GIT2: variants seen among roughly 807,000 people sequenced by gnomAD.
The protein encoded by GIT2 is ARF GTPase-activating protein GIT2.
Under a neutral mutation model 100.3 loss-of-function variants are expected in GIT2, and 32 were observed. The observed-to-expected ratio is 0.32, with a 90% CI of 0.24 to 0.43. The LOEUF (loss-of-function observed/expected upper bound fraction) is 0.43. Among genes scored for constraint, GIT2 ranks in the 20% least tolerant of loss-of-function variants. GIT2 has a pLI of 1.00. For synonymous variants in GIT2, 353 were observed against 364.1 expected (o/e 0.97, Z 0.35); for missense variants, 737 against 975.1 (o/e 0.76, Z 3.25).
chr12:109,943,723 G>A (rs1020813363), intron 16 of GIT2, among the ~76,000 whole-genome samples: 31 of 139,946 alleles, frequency 2.2e-4, no homozygotes, highest in African/African-American at 8.4e-4. Context: ...GCCTCACTGT[G>A]TTGTCCAGGC....
chr12:109,942,283 A>C (rs1213503638), intron 16 of GIT2, among the ~76,000 whole-genome samples: 2 of 152,214 alleles, frequency 1.3e-5, no homozygotes, highest in South Asian at 2.1e-4. Flanking sequence ...AACAAACTAG[A>C]AACAGAATTA....
chr12:109,953,106 T>C lies in GIT2; in HGVS notation c.1228A>G (p.Thr410Ala). The change falls in exon 13 of 20, where the codon ACA becomes GCA. Residue 410 changes from threonine to alanine, a missense_variant. Transcript: ENST00000355312. ...TGGCCTCTCACCTTCTGCCGGTTTG[T>C]TTTGCTTGCAGTGGTTTCCAAATCT... Reference protein sequence around the residue: ...DTDLETTASKTNRQKSLDSDL... With the variant: ...DTDLETTASKANRQKSLDSDL... 5.0e-6 allele frequency: 8 copies of C among 1,614,172 alleles called. No individual in the cohort carries two copies. Among genetic ancestry groups the C allele is most frequent in the Non-Finnish European group, 6.8e-6 (8 of 1,180,024 alleles).
Position 109,931,025 on chromosome 12 carries a change from A to ACTGTG in GIT2, c.*1952_*1953insCACAG, listed in dbSNP as rs1871550480. 2.0e-5 allele frequency: 3 copies of ACTGTG among 152,232 alleles called. No individual in the cohort carries two copies. Among genetic ancestry groups the ACTGTG allele is most frequent in the Admixed American group, 1.3e-4 (2 of 15,286 alleles). The allele number at this position is 152,232 out of a possible 1,614,324, so 9.4% of individuals were successfully genotyped here. Reference sequence around the variant, plus strand: ...TTTTGGAGACGTGGACCCTTTTCCCATGCTACTCACAGTGAAGCAAAATGC... The same window carrying ACTGTG: ...TTTTGGAGACGTGGACCCTTTTCCCACTGTGTGCTACTCACAGTGAAGCAAAATGC... On this transcript the variant is annotated 3_prime_UTR_variant, in exon 20 of 20. Coordinates refer to ENST00000355312, the MANE Select transcript of GIT2 (RefSeq NM_057169.5).
chr12:109,986,766 AAAACAAACAAAC>A (rs574249052), intron 4 of GIT2, among the ~76,000 whole-genome samples: 7 of 151,322 alleles, frequency 4.6e-5, no homozygotes, highest in East Asian at 1.9e-4. Flanking sequence ...CTCCGTCTCA[AAAACAAACAAAC>A]AAACAAACAA....
At chr12:109,983,226 G>A in intron 6 of GIT2, 147 bp downstream of exon 6, 2 of 711,442 alleles carry the variant, frequency 2.8e-6, no homozygotes, top group Admixed American at 3.0e-5. Flanking sequence ...GAGCTTATAT[G>A]CATTTGAAAT....
intron 4 of GIT2, 72 bp from the exon 5 acceptor site, chr12:109,983,766 G>A: frequency 1.1e-6 from 1 of 912,272 alleles, no homozygotes; most frequent in Admixed American, 2.1e-5. Context: ...GCAGCTGATA[G>A]ACCATTTTAA....
chr12:109,970,917 G>A (rs1883709892), intron 7 of GIT2, among the ~76,000 whole-genome samples: 1 of 152,098 alleles, frequency 6.6e-6, no homozygotes, highest in Admixed American at 6.5e-5. Context: ...AGCCTCCTGA[G>A]TAGGTGAGAC....
Position 109,932,510 on chromosome 12 carries a change from T to TA in GIT2, c.*467dup, listed in dbSNP as rs1259714104. 1.9e-5 allele frequency: 3 copies of TA among 162,104 alleles called. No individual in the cohort carries two copies. Among genetic ancestry groups the TA allele is most frequent in the African/African-American group, 2.4e-5 (1 of 41,478 alleles). 10.0% of individuals were successfully genotyped at this position (162,104 alleles called of 1,614,324 possible). A position where few individuals can be genotyped will look rare whatever the true frequency, so the allele number is the denominator to read the frequency against. ...TACATGCTTGGAGATACCCCAAACTTAGAGATTATGAAGTAGGCCAGGAAA... is the reference window on the plus strand; with the variant it reads ...TACATGCTTGGAGATACCCCAAACTTAAGAGATTATGAAGTAGGCCAGGAAA... On this transcript the variant is annotated 3_prime_UTR_variant, in exon 20 of 20. Transcript: ENST00000355312.
chr12:109,993,344 A>C (rs1888762189), intron 1 of GIT2, among the ~76,000 whole-genome samples: 1 of 152,192 alleles, frequency 6.6e-6, no homozygotes, highest in African/African-American at 2.4e-5. Flanking sequence ...AAATCTCTAA[A>C]ATGCATGTAC....
At chr12:109,952,660 C>T (rs1878225991) in intron 13 of GIT2, 1 of 517,346 alleles carries the variant, frequency 1.9e-6, no homozygotes, top group African/African-American at 1.9e-5. Context: ...TAAGAGCTGT[C>T]CTATGACACA....
At position 109,932,676 on chromosome 12, in the gene GIT2, G is replaced by A. The variant is rs545873661; in HGVS notation, c.*302C>T. 4 of 224,490 alleles carry A rather than the reference G, an allele frequency of 1.8e-5. No homozygotes were observed. Among genetic ancestry groups the A allele is most frequent in the South Asian group, 1.0e-4 (1 of 9,724 alleles). The allele number at this position is 224,490 out of a possible 1,614,324, so 13.9% of individuals were successfully genotyped here. The stretch of plus-strand genomic sequence containing the variant: ...GCAGGGAGTTTTAAGGGATGGAAAA[G>A]TTTTCACAAACTTTAGACAATGAAA... On this transcript the variant is annotated 3_prime_UTR_variant, in exon 20 of 20. Transcript: ENST00000355312.
At position 109,965,675 on chromosome 12, in the gene GIT2, G is replaced by A. The variant is rs1882157146; in HGVS notation, c.765-98C>T. On this transcript the variant is annotated intron_variant, in intron 8 of 19. Coordinates refer to ENST00000355312, the MANE Select transcript of GIT2 (RefSeq NM_057169.5). The stretch of plus-strand genomic sequence containing the variant: ...CCAAGAGATAAAAATATTAATTACA[G>A]TTCATGGACCATGTTAGAACCAAGC... 1.2e-5 allele frequency: 10 copies of A among 853,134 alleles called. No individual in the cohort carries two copies. In the Admixed American group the frequency reaches 1.8e-4, roughly 15 times the overall value. The allele number at this position is 853,134 out of a possible 1,614,324, so 52.8% of individuals were successfully genotyped here.
In GIT2 at chr12:109,971,514, C is replaced by T. The variant is rs957612626; in HGVS notation, c.719-4011G>A. Among the ~76,000 whole-genome samples, 7 of 151,534 alleles carry T rather than the reference C, an allele frequency of 4.6e-5. No individual in the cohort carries two copies. In the South Asian group the frequency reaches 1.0e-3, roughly 23 times the overall value. On this transcript the variant is annotated intron_variant, in intron 7 of 19. Transcript: ENST00000355312. Reference sequence around the variant, plus strand: ...CTAATTTTTGTATTTTTAGTAGAGACAGGGCTTCCCCATGTTAACCAGGCT... The same window carrying T: ...CTAATTTTTGTATTTTTAGTAGAGATAGGGCTTCCCCATGTTAACCAGGCT...
At chr12:109,953,529 A>T (rs930404290) in intron 12 of GIT2, 3 of 262,492 alleles carry the variant, frequency 1.1e-5, no homozygotes, top group African/African-American at 2.2e-5. Context: ...CAGGAGGCTA[A>T]GACAGGAGGA....
At position 109,947,277 on chromosome 12, in the gene GIT2, T is replaced by C. The variant is rs768860741; in HGVS notation, c.1620A>G (p.Arg540=). Residue 540 remains arginine (R), a synonymous_variant, in exon 15 of 20, where the codon AGA becomes AGG. Coordinates refer to ENST00000355312, the MANE Select transcript of GIT2 (RefSeq NM_057169.5). This position sits in a 1 kb window ranked among gnomAD's most constrained non-coding sequence, Gnocchi z 4.3. ...EASRPEESRM[R]LQPFPAHIGR... ...TTACGTGCGCGGGGAAGGGCTGGAG[T>C]CTCATCCTGCTCTCTTCGGGGCGGC... is the stretch of plus-strand genomic sequence containing the variant. 41 of 1,613,592 alleles carry C rather than the reference T, an allele frequency of 2.5e-5. No individual in the cohort carries two copies. The highest frequency in any genetic ancestry group is 3.4e-5 in the Non-Finnish European group (40 of 1,179,790).
Position 109,995,056 on chromosome 12 carries a change from A to C in GIT2, c.52+1117T>G, listed in dbSNP as rs553425104. On this transcript the variant is annotated intron_variant, in intron 1 of 19. Coordinates refer to ENST00000355312, the MANE Select transcript of GIT2 (RefSeq NM_057169.5). Reference sequence around the variant, plus strand: ...ACAAGCTTAAGATCAGAACAGTTGCAAAGCCAGTGGTGTTCAATGATTTAA... The same window carrying C: ...ACAAGCTTAAGATCAGAACAGTTGCCAAGCCAGTGGTGTTCAATGATTTAA... 5.9e-5 allele frequency among the ~76,000 whole-genome samples: 9 copies of C among 152,348 alleles called. No individual in the cohort carries two copies. The South Asian group carries it at 8.3e-4, about 14-fold the overall frequency.
rs146827712 is a variant in GIT2, at chr12:109,933,463, T to C, written c.2068-273A>G. 305 of 361,082 alleles carry C rather than the reference T, an allele frequency of 8.4e-4. 4 individuals carry two copies. The East Asian group carries it at 0.012, about 15-fold the overall frequency. 22.4% of individuals were successfully genotyped at this position (361,082 alleles called of 1,614,324 possible). On this transcript the variant is annotated intron_variant, in intron 19 of 19. Coordinates refer to ENST00000355312, the MANE Select transcript of GIT2 (RefSeq NM_057169.5). This position sits in a 1 kb window ranked among gnomAD's most constrained non-coding sequence, Gnocchi z 4.5. ...GTAGTTTTTGAAAAATATTAATCCA[T>C]GTGGGTAAAATATTCCAGAAAATCC...
chr12:109,965,738 C>A (rs764567663), intron 8 of GIT2, 161 bp from the exon 9 acceptor site: 17 of 754,252 alleles, frequency 2.3e-5, no homozygotes, highest in Non-Finnish European at 3.9e-5. Flanking sequence ...GAGCTCTAAA[C>A]AGAACAATCT....
chr12:109,948,122 G>A lies in GIT2; in HGVS notation c.1393-618C>T. The A allele has an allele frequency of 1.1e-6, 1 of 906,530 alleles. No individual in the cohort carries two copies. The highest frequency in any genetic ancestry group is 1.3e-6 in the Non-Finnish European group (1 of 759,138). 56.2% of individuals were successfully genotyped at this position (906,530 alleles called of 1,614,324 possible). ...GATATTCCAAACAATTCAGCACTTT[G>A]TAAAAAAAAAAAGAAAAAAGAGAAA... On this transcript the variant is annotated intron_variant, in intron 14 of 19. Transcript: ENST00000355312. The surrounding 1 kb of genome is among the most constrained non-coding windows in gnomAD (Gnocchi z 4.3).
Sources: gnomAD v4.1 joint callset for allele counts (sites outside exome capture counted in the v4.1 genomes callset) on GRCh38, gnomAD v4.1.1 for gene constraint, Gnocchi (gnomAD v3.1) non-coding constraint, MANE v1.5 for transcripts, NCBI Gene and HGNC (gene_info 2026-07-23, HGNC 2026-07-21) for gene names.